The following WBP4 variants were observed in gnomAD, a reference collection of about 807,000 sequenced individuals.
WBP4 encodes the protein WW domain-binding protein 4.
WBP4 carries 37 observed loss-of-function variants against 55.4 expected under a neutral mutation model. That is an observed-to-expected ratio of 0.67 (90% CI 0.51 to 0.88). The LOEUF is 0.88. Ranked by LOEUF, WBP4 falls within the 40% of genes least tolerant of loss-of-function variation. The probability of loss-of-function intolerance (pLI) is 0.00; values close to 1 mark genes in which losing one functional copy is unlikely to be tolerated. For missense variants in WBP4, 398 were observed against 420.8 expected, an observed-to-expected ratio of 0.95 and a Z score of 0.47; for synonymous variants, 142 against 140.2, an observed-to-expected ratio of 1.01 and a Z score of -0.09.
chr13:41,078,996 A>G (rs1258341817), intron 8 of WBP4, among the ~76,000 whole-genome samples: 1 of 152,194 alleles, frequency 6.6e-6, no homozygotes, highest in Non-Finnish European at 1.5e-5. Flanking sequence ...GCACAGCAAA[A>G]GAAACAATTA....
At chr13:41,061,807 G>T in intron 1 of WBP4, 132 bp downstream of exon 1, 3 of 1,460,614 alleles carry the variant, frequency 2.1e-6, no homozygotes, top group Middle Eastern at 2.4e-4. Context: ...ACTCGCTCGG[G>T]ACCGGCCCCA....
chr13:41,071,891 A>G (rs533840707), intron 6 of WBP4, among the ~76,000 whole-genome samples: 6 of 152,206 alleles, frequency 3.9e-5, no homozygotes, highest in African/African-American at 1.4e-4. Flanking sequence ...AAACTACAAA[A>G]AAATTAGCCA....
chr13:41,061,512 G>C lies in WBP4; in HGVS notation c.-162G>C, dbSNP rs1322041552. 2.7e-6 allele frequency: 3 copies of C among 1,131,118 alleles called. No homozygotes were observed. Among genetic ancestry groups the C allele is most frequent in the Non-Finnish European group, 3.9e-6 (3 of 779,088 alleles). The allele number at this position is 1,131,118 out of a possible 1,614,324, so 70.1% of individuals were successfully genotyped here. A position where few individuals can be genotyped will look rare whatever the true frequency, so the allele number is the denominator to read the frequency against. On this transcript the variant is annotated 5_prime_UTR_variant, in exon 1 of 10. Transcript: ENST00000379487. The stretch of plus-strand genomic sequence containing the variant: ...GGATTGGATCGTCTGGGCACCCGTA[G>C]TTGGGAACAGCGGAACGCTGGTCCC...
intron 9 of WBP4, 61 bp downstream of exon 9, chr13:41,080,870 C>T: frequency 6.6e-7 from 1 of 1,512,468 alleles, no homozygotes; most frequent in Non-Finnish European, 9.0e-7. Context: ...CCAGTACTTC[C>T]CTAAATTGCA....
intron 7 of WBP4, among the ~76,000 whole-genome samples, chr13:41,075,183 T>C (rs893586043): frequency 1.3e-5 from 2 of 152,138 alleles, no homozygotes; most frequent in Non-Finnish European, 2.9e-5. Flanking sequence ...CAGTTGAAAG[T>C]AGGGAATTAA....
intron 5 of WBP4, among the ~76,000 whole-genome samples, chr13:41,069,833 G>A (rs572974143): frequency 5.4e-5 from 8 of 148,480 alleles, no homozygotes; most frequent in East Asian, 3.9e-4. Flanking sequence ...AGCCCAGATC[G>A]CGCCATTTCA....
chr13:41,068,786 A>T, intron 5 of WBP4, 49 bp downstream of exon 5: 1 of 1,442,988 alleles, frequency 6.9e-7, no homozygotes, highest in Non-Finnish European at 9.2e-7. Context: ...CACTAGTAGA[A>T]TAGAACAATT....
chr13:41,078,782 G>A (rs1351353911), intron 8 of WBP4, among the ~76,000 whole-genome samples: 8 of 151,830 alleles, frequency 5.3e-5, no homozygotes, highest in Admixed American at 3.9e-4. Flanking sequence ...AGCTAAGATC[G>A]TGCCGTTGCA....
chr13:41,080,951 G>C, intron 9 of WBP4, 142 bp downstream of exon 9: 1 of 908,612 alleles, frequency 1.1e-6, no homozygotes, highest in Non-Finnish European at 1.7e-6. Flanking sequence ...TGTAATCCCA[G>C]CACTTTGGGA....
chr13:41,072,712 ACTGT>A (rs1377920740), intron 6 of WBP4, 66 bp from the exon 7 acceptor site: 16 of 1,406,056 alleles, frequency 1.1e-5, no homozygotes, highest in Admixed American at 3.7e-5. Flanking sequence ...AGGGTGGCTG[ACTGT>A]CTGAGTTATT....
At chr13:41,070,457 G>T (rs531220640) in intron 5 of WBP4, among the ~76,000 whole-genome samples, 1 of 152,074 alleles carries the variant, frequency 6.6e-6, no homozygotes, top group East Asian at 1.9e-4. Context: ...AGTAGAGTTA[G>T]ACTGGAAGGT....
Position 41,076,084 on chromosome 13 carries a change from T to C in WBP4, c.603T>C (p.Thr201=), listed in dbSNP as rs1371740952. Reference sequence around the variant, plus strand: ...AACCTGATGATTTCATTCCACACACTAGTGATCTGCCTTCTAGTAAGGTCA... The same window carrying C: ...AACCTGATGATTTCATTCCACACACCAGTGATCTGCCTTCTAGTAAGGTCA... ...WEKPDDFIPH[T]SDLPSSKVNE... The change falls in exon 8 of 10, where the codon ACT becomes ACC. Residue 201 remains threonine (T), a synonymous_variant. Transcript: ENST00000379487. 3 of 1,613,670 alleles carry C rather than the reference T, an allele frequency of 1.9e-6. No individual in the cohort carries two copies. The highest frequency in any genetic ancestry group is 2.2e-5 in the East Asian group (1 of 44,858).
intron 1 of WBP4, chr13:41,062,228 C>G (rs1593422572): frequency 1.0e-6 from 1 of 983,280 alleles, no homozygotes; most frequent in Admixed American, 6.3e-5. Flanking sequence ...ACAGTTTTCC[C>G]CAGAGTAGTC....
chr13:41,061,964 C>G (rs745317149), intron 1 of WBP4: 1 of 901,584 alleles, frequency 1.1e-6, no homozygotes, highest in Non-Finnish European at 1.3e-6. Context: ...AGTGCTCTCT[C>G]TACGACGCTG....
intron 4 of WBP4, among the ~76,000 whole-genome samples, chr13:41,067,803 A>G (rs1295386796): frequency 6.6e-6 from 1 of 152,016 alleles, no homozygotes; most frequent in Non-Finnish European, 1.5e-5. Flanking sequence ...TATTGTAAAT[A>G]TTTTTTCATT....
chr13:41,082,269 T>A (rs984764263), intron 9 of WBP4, among the ~76,000 whole-genome samples: 1 of 152,092 alleles, frequency 6.6e-6, no homozygotes, highest in Non-Finnish European at 1.5e-5. Flanking sequence ...CATGACACCA[T>A]GCCCAGATAA....
chr13:41,073,513 C>CA lies in WBP4; in HGVS notation c.562+672dup, dbSNP rs147840333. Among the ~76,000 whole-genome samples the CA allele has an allele frequency of 4.9e-3, 551 of 112,108 alleles. 2 individuals are homozygous for CA. The highest frequency in any genetic ancestry group is 0.013 in the African/African-American group (389 of 30,316). 73.5% of individuals were successfully genotyped at this position (112,108 alleles called of 152,430 possible). On this transcript the variant is annotated intron_variant, in intron 7 of 9. Transcript: ENST00000379487. ...GGGCAACAAGAGCAAAACTCTGTCT[C>CA]AAAAAAAAAAAAAAAAGTAGGCTAG...
At chr13:41,066,536 G>A (rs1877981863) in intron 4 of WBP4, among the ~76,000 whole-genome samples, 1 of 151,954 alleles carries the variant, frequency 6.6e-6, no homozygotes, top group Non-Finnish European at 1.5e-5. Context: ...ATTTTTATAT[G>A]GTAGGAGCAG....
At chr13:41,061,811 G>A in intron 1 of WBP4, 136 bp downstream of exon 1, 1 of 1,437,772 alleles carries the variant, frequency 7.0e-7, no homozygotes, top group Non-Finnish European at 9.5e-7. Flanking sequence ...GCTCGGGACC[G>A]GCCCCAGACC....
Sources: gnomAD v4.1 joint callset for allele counts (sites outside exome capture counted in the v4.1 genomes callset) on GRCh38, gnomAD v4.1.1 for gene constraint, MANE v1.5 for transcripts, NCBI Gene and HGNC (gene_info 2026-07-23, HGNC 2026-07-21) for gene names.